Variants in PSMA3 observed in about 807,000 individuals in gnomAD.
PSMA3 encodes the protein proteasome subunit alpha type-3.
A neutral mutation model predicts 40.0 loss-of-function variants in PSMA3; 8 were observed. The ratio of observed to expected loss-of-function variants is 0.20; its 90% CI spans 0.12 to 0.36. PSMA3 has a LOEUF of 0.36. Ranked by LOEUF, PSMA3 falls within the 10% of genes least tolerant of loss-of-function variation. The pLI is 1.00. For missense variants in PSMA3, 219 were observed against 310.6 expected (o/e 0.70, Z 2.22); for synonymous variants, 110 against 100.0 (o/e 1.10, Z -0.59).
chr14:58,255,875 T>A (rs1890132626), intron 3 of PSMA3, among the ~76,000 whole-genome samples: 4 of 152,248 alleles, frequency 2.6e-5, no homozygotes, highest in Admixed American at 2.0e-4. Flanking sequence ...TGTTTTTGTT[T>A]TGAGACAAAG....
At chr14:58,270,593 G>A in intron 9 of PSMA3, 108 bp downstream of exon 9, 1 of 1,539,714 alleles carries the variant, frequency 6.5e-7, no homozygotes, top group Non-Finnish European at 8.7e-7. Flanking sequence ...AATTTACTAG[G>A]TTGTCTAATG....
intron 3 of PSMA3, among the ~76,000 whole-genome samples, chr14:58,252,895 A>G (rs955954641): frequency 2.6e-5 from 4 of 151,738 alleles, no homozygotes; most frequent in Admixed American, 6.6e-5. Context: ...GAATATCTCT[A>G]TATTAGGTTT....
At chr14:58,257,508 AAG>A (rs1211560148) in intron 3 of PSMA3, among the ~76,000 whole-genome samples, 3 of 152,272 alleles carry the variant, frequency 2.0e-5, no homozygotes, top group African/African-American at 7.2e-5. Context: ...AAAAAAAAAA[AAG>A]GAAATGTCCT....
intron 5 of PSMA3, chr14:58,258,313 G>A: frequency 4.5e-6 from 1 of 221,316 alleles, no homozygotes; most frequent in South Asian, 9.6e-5. Context: ...AGTATCACAT[G>A]CCTGTAGTCA....
chr14:58,252,019 A>G, intron 2 of PSMA3, 100 bp from the exon 3 acceptor site: 4 of 1,217,790 alleles, frequency 3.3e-6, no homozygotes, highest in Non-Finnish European at 4.5e-6. Context: ...GGTATTTGGC[A>G]TGCCTTAAAT....
At chr14:58,247,204 G>A (rs188776250) in intron 1 of PSMA3, among the ~76,000 whole-genome samples, 2 of 152,164 alleles carry the variant, frequency 1.3e-5, no homozygotes, top group African/African-American at 2.4e-5. Flanking sequence ...GTAGTCTGTA[G>A]TAGTTCATTG....
chr14:58,270,245 G>T, intron 8 of PSMA3, 173 bp from the exon 9 acceptor site: 1 of 898,124 alleles, frequency 1.1e-6, no homozygotes, highest in Middle Eastern at 3.7e-4. Flanking sequence ...TTTTATTTCA[G>T]TCCCTGTGTA....
At chr14:58,253,463 A>C (rs1427137731) in intron 3 of PSMA3, among the ~76,000 whole-genome samples, 1 of 152,036 alleles carries the variant, frequency 6.6e-6, no homozygotes, top group African/African-American at 2.4e-5. Context: ...AATGTTACAC[A>C]CAAACACAAA....
At chr14:58,266,555 A>G (rs1400043415) in intron 7 of PSMA3, 2 of 152,296 alleles carry the variant, frequency 1.3e-5, no homozygotes, top group East Asian at 1.9e-4. Context: ...GGCCCTAGGG[A>G]TATTTTTCTA....
At chr14:58,255,724 G>A (rs574890837) in intron 3 of PSMA3, among the ~76,000 whole-genome samples, 1 of 152,248 alleles carries the variant, frequency 6.6e-6, no homozygotes, top group South Asian at 2.1e-4. Flanking sequence ...AGCCGCGATT[G>A]CACCACTGTG....
intron 3 of PSMA3, among the ~76,000 whole-genome samples, 176 bp downstream of exon 3, chr14:58,252,418 A>C (rs933167956): frequency 6.6e-6 from 1 of 152,172 alleles, no homozygotes; most frequent in African/African-American, 2.4e-5. Flanking sequence ...TGGGGGAAAA[A>C]CCAAGTTGCT....
Position 58,258,015 on chromosome 14 carries a change from A to T in PSMA3, c.404+17A>T. On this transcript the variant is annotated intron_variant, in intron 5 of 10. Transcript: ENST00000216455. ...TGGCTGCAGGTAAGAAATTTTGTGAATTATTCAAAAGGCAGATCTGTACTA... is the reference window on the plus strand; with the variant it reads ...TGGCTGCAGGTAAGAAATTTTGTGATTTATTCAAAAGGCAGATCTGTACTA... 1 of 1,589,076 alleles carries T rather than the reference A, an allele frequency of 6.3e-7. No individual in the cohort carries two copies. The highest frequency in any genetic ancestry group is 8.6e-7 in the Non-Finnish European group (1 of 1,157,298).
At chr14:58,250,220 C>CAAA (rs10634649) in intron 2 of PSMA3, among the ~76,000 whole-genome samples, 2 of 93,050 alleles carry the variant, frequency 2.1e-5, no homozygotes, top group Admixed American at 1.3e-4. Flanking sequence ...ACTCCATCTC[C>CAAA]AAAAAAAAAA....
At chr14:58,259,429 C>T (rs1275286215) in intron 5 of PSMA3, among the ~76,000 whole-genome samples, 1 of 152,166 alleles carries the variant, frequency 6.6e-6, no homozygotes, top group East Asian at 1.9e-4. Flanking sequence ...ATTCTCCTGC[C>T]TCAACCTCCT....
intron 9 of PSMA3, 148 bp from the exon 10 acceptor site, chr14:58,270,786 A>C: frequency 3.8e-6 from 3 of 783,936 alleles, no homozygotes; most frequent in Non-Finnish European, 6.0e-6. Flanking sequence ...TAGAAGCAGC[A>C]CACAAAAATA....
chr14:58,269,433 T>G (rs558029284), intron 8 of PSMA3: 1 of 152,198 alleles, frequency 6.6e-6, no homozygotes, highest in East Asian at 1.9e-4. Flanking sequence ...AAATTAGTTT[T>G]TTTTTTTTTA....
chr14:58,246,353 C>T (rs1211854145), intron 1 of PSMA3, among the ~76,000 whole-genome samples: 1 of 152,132 alleles, frequency 6.6e-6, no homozygotes, highest in Non-Finnish European at 1.5e-5. Context: ...TCTTTAATTC[C>T]TTTTTTTACT....
At chr14:58,264,564 T>C (rs1890379469) in intron 7 of PSMA3, 1 of 152,142 alleles carries the variant, frequency 6.6e-6, no homozygotes, top group East Asian at 1.9e-4. Context: ...TAAACTGAAG[T>C]GAGATACAAT....
At chr14:58,261,270 C>T (rs2140089986) in intron 6 of PSMA3, among the ~76,000 whole-genome samples, 1 of 151,406 alleles carries the variant, frequency 6.6e-6, no homozygotes, top group Admixed American at 6.6e-5. Context: ...GCAACCTCTG[C>T]CTCCCAGGTT....
Sources: allele counts gnomAD v4.1 joint callset (sites outside exome capture counted in the v4.1 genomes callset), GRCh38; gene constraint gnomAD v4.1.1; transcripts MANE v1.5; gene names NCBI Gene and HGNC (gene_info 2026-07-23, HGNC 2026-07-21).